The following AP3B1 variants were observed in gnomAD, a reference collection of about 807,000 sequenced individuals.
AP3B1 encodes the protein adaptor related protein complex 3 subunit beta 1.
A neutral mutation model predicts 132.5 loss-of-function variants in AP3B1; 61 were observed. That is an observed-to-expected ratio of 0.46 (90% confidence interval 0.37 to 0.57). AP3B1 has a LOEUF of 0.57. Ranked by LOEUF, AP3B1 falls within the 20% of genes least tolerant of loss-of-function variation. The probability of loss-of-function intolerance (pLI) is 0.00; values close to 1 mark genes in which losing one functional copy is unlikely to be tolerated. For synonymous variants in AP3B1, 388 were observed against 438.3 expected (o/e 0.89, Z 1.43); for missense variants, 1,120 against 1,289.4 (o/e 0.87, Z 2.01).
At chr5:78,039,327 T>C (rs1045693676) in intron 22 of AP3B1, 53 bp from the exon 23 acceptor site, 2 of 1,375,700 alleles carry the variant, frequency 1.5e-6, no homozygotes, top group South Asian at 1.2e-5. Context: ...ATAATTATTC[T>C]TTTAGAAAAT....
chr5:78,290,941 CAT>C (rs1392307474), intron 1 of AP3B1, among the ~76,000 whole-genome samples: 1 of 152,078 alleles, frequency 6.6e-6, no homozygotes, highest in African/African-American at 2.4e-5. Flanking sequence ...CAGAGTAAGA[CAT>C]GTCTCAAAAA....
chr5:78,002,403 A>G lies in AP3B1; in HGVS notation c.*499T>C, dbSNP rs970615539. On this transcript the variant is annotated 3_prime_UTR_variant, in exon 27 of 27. Transcript: ENST00000255194. ...TGACAGTTATCAATAATCAATTACA[A>G]TATCAAGAAATTCAAAGAACAAAAT... 4 of 397,812 alleles carry G rather than the reference A, an allele frequency of 1.0e-5. No homozygotes were observed. Among genetic ancestry groups the G allele is most frequent in the Non-Finnish European group, 1.8e-5 (4 of 225,870 alleles). The allele number at this position is 397,812 out of a possible 1,614,324, so 24.6% of individuals were successfully genotyped here.
chr5:78,208,496 A>T (rs558368170), intron 7 of AP3B1, among the ~76,000 whole-genome samples: 2 of 152,310 alleles, frequency 1.3e-5, no homozygotes, highest in African/African-American at 4.8e-5. Context: ...GAAAGGGCAA[A>T]GGGTAAAATA....
chr5:78,023,409 T>G (rs908667336), intron 24 of AP3B1, among the ~76,000 whole-genome samples: 16 of 150,854 alleles, frequency 1.1e-4, no homozygotes, highest in African/African-American at 3.9e-4. Context: ...GCTACTGCAC[T>G]CCAGCCTAGG....
chr5:78,096,809 G>A (rs998249147), intron 21 of AP3B1, among the ~76,000 whole-genome samples: 3 of 151,650 alleles, frequency 2.0e-5, no homozygotes, highest in East Asian at 3.9e-4. Context: ...GAGCGTCTCC[G>A]CCCGGCAGCC....
At chr5:78,053,456 T>C (rs774168785) in intron 22 of AP3B1, among the ~76,000 whole-genome samples, 2 of 151,768 alleles carry the variant, frequency 1.3e-5, no homozygotes, top group Non-Finnish European at 2.9e-5. Flanking sequence ...CCGAGGCCGG[T>C]GGATCACGAG....
rs769148928 is a variant in AP3B1, at chr5:78,110,363, A to T, written c.2250-9T>A. 1 of 1,597,206 alleles carries T rather than the reference A, an allele frequency of 6.3e-7. No individual in the cohort carries two copies. The highest frequency in any genetic ancestry group is 1.7e-5 in the Admixed American group (1 of 59,122). On this transcript the variant is annotated splice_polypyrimidine_tract_variant and intron_variant, in intron 19 of 26. Coordinates refer to ENST00000255194, the MANE Select transcript of AP3B1 (RefSeq NM_003664.5). The stretch of plus-strand genomic sequence containing the variant: ...CCCCATCTTCAGAATCACTACACAT[A>T]ATAGTAAATTTTGAAATATGAACTT...
chr5:78,068,957 C>A (rs569802217), intron 22 of AP3B1, among the ~76,000 whole-genome samples: 1 of 152,172 alleles, frequency 6.6e-6, no homozygotes, highest in South Asian at 2.1e-4. Context: ...TCAACCTATG[C>A]AAATCAATAA....
chr5:78,139,267 G>T (rs1223858158), intron 15 of AP3B1, among the ~76,000 whole-genome samples: 4 of 152,020 alleles, frequency 2.6e-5, no homozygotes, highest in Admixed American at 1.3e-4. Context: ...TATTTAGAGT[G>T]GCCAAACCAG....
At chr5:78,122,596 A>G (rs527846312) in intron 17 of AP3B1, among the ~76,000 whole-genome samples, 7 of 152,234 alleles carry the variant, frequency 4.6e-5, no homozygotes, top group Non-Finnish European at 1.5e-5. Context: ...CCCATTCACA[A>G]TTGCTTCAAA....
chr5:78,081,029 C>T (rs1749977707), intron 22 of AP3B1, among the ~76,000 whole-genome samples: 1 of 152,090 alleles, frequency 6.6e-6, no homozygotes, highest in African/African-American at 2.4e-5. Context: ...GCCCTAAGAT[C>T]AGGGTTTAGG....
intron 21 of AP3B1, among the ~76,000 whole-genome samples, chr5:78,093,613 A>G (rs1409459394): frequency 6.6e-6 from 1 of 152,216 alleles, no homozygotes; most frequent in African/African-American, 2.4e-5. Context: ...GCTTTGCCTT[A>G]AGATTTAAGA....
chr5:78,157,565 CT>C (rs1290979918), intron 13 of AP3B1, among the ~76,000 whole-genome samples: 1 of 152,098 alleles, frequency 6.6e-6, no homozygotes, highest in East Asian at 1.9e-4. Context: ...AGAACCTGAC[CT>C]TATGAAATGA....
At chr5:78,129,601 C>T (rs926217737) in intron 15 of AP3B1, among the ~76,000 whole-genome samples, 8 of 151,836 alleles carry the variant, frequency 5.3e-5, no homozygotes, top group Admixed American at 3.3e-4. Context: ...ATGGCAAACC[C>T]GCTGAAGGGG....
At position 78,039,118 on chromosome 5, in the gene AP3B1, G is replaced by T. The variant is rs752519227; in HGVS notation, c.2734C>A (p.Arg912=). 1.2e-6 allele frequency: 2 copies of T among 1,612,870 alleles called. No individual in the cohort carries two copies. Among genetic ancestry groups the T allele is most frequent in the Non-Finnish European group, 1.7e-6 (2 of 1,179,458 alleles). The change falls in exon 23 of 27, where the codon CGA becomes AGA. Residue 912 remains arginine (R), a synonymous_variant. Coordinates refer to ENST00000255194, the MANE Select transcript of AP3B1 (RefSeq NM_003664.5). The part of the protein sequence containing the change: ...IQITLNNTTD[R]KIENIHIGEK... ...CCTATGTGGATATTTTCTATCTTTC[G>T]ATCAGTAGTGTTATTCAGTGTTATT...
rs903040639 is a variant in AP3B1, at chr5:78,285,165, C to T, written c.128+9287G>A. On this transcript the variant is annotated intron_variant, in intron 1 of 26. Transcript: ENST00000255194. ...TCGGGAGGCTGAGGCAGGAGAATGG[C>T]GTGAACCCGGGAGGCGGAGCTTGCA... Among the ~76,000 whole-genome samples the T allele has an allele frequency of 1.3e-3, 192 of 151,632 alleles. 2 individuals carry two copies. Among genetic ancestry groups the T allele is most frequent in the African/African-American group, 6.3e-4 (26 of 41,366 alleles).
chr5:78,267,678 G>T, intron 1 of AP3B1, 83 bp from the exon 2 acceptor site: 2 of 865,974 alleles, frequency 2.3e-6, no homozygotes, highest in South Asian at 3.1e-5. Flanking sequence ...ATAAGAATTA[G>T]AAGTAATATC....
intron 7 of AP3B1, among the ~76,000 whole-genome samples, chr5:78,193,732 G>GTGTATATATATA (rs1340871803): frequency 5.8e-4 from 52 of 89,082 alleles, no homozygotes; most frequent in East Asian, 3.1e-3. Flanking sequence ...TTAAATATTT[G>GTGTATATATATA]TATATATTTT....
chr5:78,097,123 CCCA>C (rs1259029198), intron 21 of AP3B1, among the ~76,000 whole-genome samples: 1 of 128,400 alleles, frequency 7.8e-6, no homozygotes, highest in Non-Finnish European at 1.6e-5. Context: ...GGGTCAGCCC[CCCA>C]CCCGGCCAGC....
Sources: gnomAD v4.1 joint callset for allele counts (sites outside exome capture counted in the v4.1 genomes callset) on GRCh38, gnomAD v4.1.1 for gene constraint, MANE v1.5 for transcripts, NCBI Gene and HGNC (gene_info 2026-07-23, HGNC 2026-07-21) for gene names.